RERE: variants seen among roughly 807,000 people sequenced by gnomAD.
The protein encoded by RERE is arginine-glutamic acid dipeptide repeats, also known as arginine-glutamic acid dipeptide repeats protein.
Under a neutral mutation model 146.1 loss-of-function variants are expected in RERE, and 40 were observed. That is an observed-to-expected ratio of 0.27 (90% CI 0.21 to 0.36). The LOEUF (loss-of-function observed/expected upper bound fraction) is 0.36, where lower values mean the gene tolerates loss of function less well. Among genes scored for constraint, RERE ranks in the 10% least tolerant of loss-of-function variants. The pLI is 1.00. For missense variants in RERE, 1,933 were observed against 2,138.7 expected, an observed-to-expected ratio of 0.90 and a Z score of 1.90; for synonymous variants, 1,003 against 866.0, an observed-to-expected ratio of 1.16 and a Z score of -2.78.
At chr1:8,374,117 G>A (rs1335514163) in intron 12 of RERE, among the ~76,000 whole-genome samples, 2 of 152,168 alleles carry the variant, frequency 1.3e-5, no homozygotes, top group Non-Finnish European at 2.9e-5. Context: ...ACGTTCAAGA[G>A]GCCGAAGGGC....
At chr1:8,458,085 C>T (rs1459186674) in intron 11 of RERE, among the ~76,000 whole-genome samples, 4 of 152,216 alleles carry the variant, frequency 2.6e-5, no homozygotes, top group Non-Finnish European at 5.9e-5. Context: ...TGTCACTATA[C>T]GTAGAATGTT....
chr1:8,690,076 T>G (rs1639177316), intron 1 of RERE, among the ~76,000 whole-genome samples: 1 of 152,198 alleles, frequency 6.6e-6, no homozygotes, highest in South Asian at 2.1e-4. Flanking sequence ...TTATGCTCTG[T>G]ATTAGTCCGC....
chr1:8,513,103 C>T (rs1436320760), intron 7 of RERE: 1 of 152,202 alleles, frequency 6.6e-6, no homozygotes, highest in Non-Finnish European at 1.5e-5. Flanking sequence ...CGCCTCCAGC[C>T]ACTACCCTGG....
intron 8 of RERE, among the ~76,000 whole-genome samples, chr1:8,508,390 A>G (rs1645285584): frequency 6.6e-6 from 1 of 152,232 alleles, no homozygotes; most frequent in African/African-American, 2.4e-5. Context: ...CTGGAGATAG[A>G]TGACGGTGAT....
intron 4 of RERE, 70 bp downstream of exon 4, chr1:8,614,491 G>T (rs1557436038): frequency 2.1e-6 from 3 of 1,449,918 alleles, no homozygotes; most frequent in East Asian, 4.6e-5. Context: ...GGGGAGGGAG[G>T]TAATATTCCT....
chr1:8,539,498 C>T (rs575822228), intron 7 of RERE, among the ~76,000 whole-genome samples: 45 of 152,144 alleles, frequency 3.0e-4, no homozygotes, highest in African/African-American at 9.6e-4. Flanking sequence ...CTCCGCCTCC[C>T]GGGTTAAAGC....
In RERE at chr1:8,754,741, ATCTG is replaced by A. The variant is rs370073099; in HGVS notation, c.-145+62415_-145+62418del. ...ATAAAGATTTTCAGTGACTGTTAAC[ATCTG>A]TCTTTCTGATTATAAATAAAACTAA... On this transcript the variant is annotated intron_variant, in intron 1 of 22. Transcript: ENST00000400908. Among the ~76,000 whole-genome samples the A allele has an allele frequency of 5.3e-4, 81 of 152,370 alleles. 1 individual carries two copies. In the East Asian group the frequency reaches 0.014, roughly 26 times the overall value.
At chr1:8,753,253 C>T (rs1640574633) in intron 1 of RERE, among the ~76,000 whole-genome samples, 1 of 152,196 alleles carries the variant, frequency 6.6e-6, no homozygotes, top group Admixed American at 6.5e-5. Flanking sequence ...CATTCCCATT[C>T]ACCAATGACT....
chr1:8,786,165 A>C, intron 1 of RERE: 1 of 590,214 alleles, frequency 1.7e-6, no homozygotes, highest in Non-Finnish European at 3.0e-6. Flanking sequence ...ATTTAAACTG[A>C]TCAGACTAGA....
At chr1:8,510,325 A>G (rs1374807322) in intron 7 of RERE, among the ~76,000 whole-genome samples, 2 of 151,086 alleles carry the variant, frequency 1.3e-5, no homozygotes, top group East Asian at 3.9e-4. Context: ...TAGCAGCAGG[A>G]AAAAAAAAGA....
chr1:8,365,996 T>G, intron 12 of RERE, 22 bp from the exon 13 acceptor site: 1 of 1,610,586 alleles, frequency 6.2e-7, no homozygotes, highest in Non-Finnish European at 8.5e-7. Flanking sequence ...AAGGGCTGAC[T>G]GTGGGGGAGG....
chr1:8,698,291 G>A (rs1380454504), intron 1 of RERE, among the ~76,000 whole-genome samples: 1 of 152,148 alleles, frequency 6.6e-6, no homozygotes, highest in Non-Finnish European at 1.5e-5. Context: ...TGAAGAACAT[G>A]CAAAAGGAGG....
Position 8,358,761 on chromosome 1 carries a change from C to G in RERE, c.3774G>C (p.Glu1258Asp). ...GCGACATGACGTGGGGCCGGGCGTA[C>G]TCGCTCAGAGTCCGAAGGGCAGGTG... is the stretch of plus-strand genomic sequence containing the variant. ...PDTPALRTLS[E>D]YARPHVMSPT... is the part of the protein sequence containing the mutation. The change falls in exon 20 of 23, where the codon GAG (glutamate) becomes GAC (aspartate). Residue 1258 changes from glutamate to aspartate, a missense_variant. Transcript: ENST00000400908. 6.2e-7 allele frequency: 1 copy of G among 1,612,074 alleles called. No homozygotes were observed. Among genetic ancestry groups the G allele is most frequent in the Non-Finnish European group, 8.5e-7 (1 of 1,178,888 alleles).
At chr1:8,524,245 A>C (rs554616984) in intron 7 of RERE, among the ~76,000 whole-genome samples, 1 of 152,216 alleles carries the variant, frequency 6.6e-6, no homozygotes, top group African/African-American at 2.4e-5. Context: ...GGGTAAAAAA[A>C]TTGATCACAA....
intron 3 of RERE, among the ~76,000 whole-genome samples, chr1:8,623,374 C>T (rs1646938683): frequency 6.6e-6 from 1 of 152,150 alleles, no homozygotes; most frequent in Non-Finnish European, 1.5e-5. Context: ...TCACTTGTTT[C>T]CGGGAGGCAG....
At chr1:8,490,400 G>C (rs1387623667) in intron 10 of RERE, among the ~76,000 whole-genome samples, 1 of 149,106 alleles carries the variant, frequency 6.7e-6, no homozygotes, top group Non-Finnish European at 1.5e-5. Context: ...GTTTCTGAGA[G>C]AGCTTCCTAC....
In RERE at chr1:8,485,323, C is replaced by T. The variant is rs146989957; in HGVS notation, c.1104+9740G>A. On this transcript the variant is annotated intron_variant, in intron 10 of 22. Transcript: ENST00000400908. ...TTGTGGTGAGCCGAGATCGTGCCAT[C>T]GCACTCCAGCCTGGGGAACAACAGC... 6.7e-3 allele frequency among the ~76,000 whole-genome samples: 1,026 copies of T among 152,104 alleles called. 8 individuals carry two copies. The highest frequency in any genetic ancestry group is 0.023 in the African/African-American group (966 of 41,484).
intron 10 of RERE, among the ~76,000 whole-genome samples, chr1:8,479,411 A>G (rs905026811): frequency 6.6e-6 from 1 of 152,104 alleles, no homozygotes; most frequent in Non-Finnish European, 1.5e-5. Flanking sequence ...GAAGATATAC[A>G]CATCAAATCC....
chr1:8,400,236 G>A (rs946888058), intron 12 of RERE, among the ~76,000 whole-genome samples: 1 of 151,374 alleles, frequency 6.6e-6, no homozygotes, highest in Non-Finnish European at 1.5e-5. Context: ...GTGTGTGTGT[G>A]TGTGTGTGTG....
Sources: allele counts gnomAD v4.1 joint callset (sites outside exome capture counted in the v4.1 genomes callset), GRCh38; gene constraint gnomAD v4.1.1; transcripts MANE v1.5; gene names NCBI Gene and HGNC (gene_info 2026-07-23, HGNC 2026-07-21).